VOPP1: variants seen among roughly 807,000 people sequenced by gnomAD.
VOPP1 encodes WW domain binding protein VOPP1.
Under a neutral mutation model 23.5 loss-of-function variants are expected in VOPP1, and 8 were observed. The ratio of observed to expected loss-of-function variants is 0.34; its 90% confidence interval spans 0.20 to 0.61. The LOEUF (loss-of-function observed/expected upper bound fraction) is 0.61, where lower values mean the gene tolerates loss of function less well. VOPP1 is among the 20% of genes least tolerant of loss of function. The pLI is 0.78. For missense variants in VOPP1, 174 were observed against 238.1 expected, an observed-to-expected ratio of 0.73 and a Z score of 1.77; for synonymous variants, 83 against 97.3, an observed-to-expected ratio of 0.85 and a Z score of 0.86.
chr7:55,498,864 C>T (rs1794167373), intron 2 of VOPP1, among the ~76,000 whole-genome samples: 1 of 152,130 alleles, frequency 6.6e-6, no homozygotes, highest in African/African-American at 2.4e-5. Context: ...AGCTGCTCTT[C>T]CCTGGTTGTG....
At chr7:55,552,089 C>T (rs1464730834) in intron 1 of VOPP1, among the ~76,000 whole-genome samples, 4 of 149,498 alleles carry the variant, frequency 2.7e-5, no homozygotes, top group Non-Finnish European at 4.4e-5. Context: ...GCCCTGGGAG[C>T]CAGGTTAGCC....
intron 4 of VOPP1, among the ~76,000 whole-genome samples, chr7:55,480,676 T>C (rs1323010842): frequency 6.6e-6 from 1 of 152,276 alleles, no homozygotes; most frequent in Admixed American, 6.5e-5. Flanking sequence ...CTCAGTTCAT[T>C]TGCTTTTTCA....
At chr7:55,438,611 C>T (rs369129278) in intron 4 of VOPP1, among the ~76,000 whole-genome samples, 3 of 152,106 alleles carry the variant, frequency 2.0e-5, no homozygotes, top group Non-Finnish European at 4.4e-5. Flanking sequence ...GCAAAGGCCC[C>T]GGGGAAGCAC....
rs560732967 is a variant in VOPP1 at position 55,528,637 on chromosome 7, G to C, written c.55-7507C>G. 6.6e-5 allele frequency among the ~76,000 whole-genome samples: 10 copies of C among 151,570 alleles called. No homozygotes were observed. In the South Asian group the frequency reaches 1.5e-3, roughly 22 times the overall value. On this transcript the variant is annotated intron_variant, in intron 1 of 4. Coordinates refer to ENST00000285279, the MANE Select transcript of VOPP1 (RefSeq NM_030796.5). ...GGAGGCGGAGGTTGCAGTGAGCTGA[G>C]ATCGCACTACTGCACTCCGGCCTGG...
At chr7:55,560,425 CAGAG>C (rs1562630815) in intron 1 of VOPP1, among the ~76,000 whole-genome samples, 2 of 152,132 alleles carry the variant, frequency 1.3e-5, no homozygotes, top group African/African-American at 4.8e-5. Context: ...TTTACAGTGA[CAGAG>C]AGAGAGAAGC....
intron 4 of VOPP1, among the ~76,000 whole-genome samples, chr7:55,452,318 A>C (rs554999552): frequency 2.0e-5 from 3 of 152,188 alleles, no homozygotes; most frequent in East Asian, 3.9e-4. Flanking sequence ...TGCTATTTCC[A>C]CCACATCCAC....
chr7:55,465,575 C>G (rs1362514021), intron 4 of VOPP1, among the ~76,000 whole-genome samples: 1 of 152,210 alleles, frequency 6.6e-6, no homozygotes, highest in Non-Finnish European at 1.5e-5. Flanking sequence ...ATTTCTTCTC[C>G]CACTGTGCTT....
chr7:55,473,640 C>T (rs1792012088), intron 4 of VOPP1, among the ~76,000 whole-genome samples: 1 of 152,206 alleles, frequency 6.6e-6, no homozygotes, highest in South Asian at 2.1e-4. Flanking sequence ...CAGAAGGTGA[C>T]AGGAGGGTAC....
intron 2 of VOPP1, among the ~76,000 whole-genome samples, chr7:55,507,757 C>T (rs757173915): frequency 1.9e-4 from 29 of 152,154 alleles, no homozygotes; most frequent in African/African-American, 3.6e-4. Flanking sequence ...GTTTCCCTGA[C>T]GGGCAGGGAG....
chr7:55,488,585 GCA>G (rs1793318994), intron 4 of VOPP1, among the ~76,000 whole-genome samples: 1 of 152,116 alleles, frequency 6.6e-6, no homozygotes, highest in African/African-American at 2.4e-5. Flanking sequence ...TCTTTGCAAT[GCA>G]CAGATTCTCT....
At chr7:55,445,389 C>G (rs1159163454) in intron 4 of VOPP1, among the ~76,000 whole-genome samples, 1 of 152,152 alleles carries the variant, frequency 6.6e-6, no homozygotes, top group Non-Finnish European at 1.5e-5. Flanking sequence ...AAATAATAAA[C>G]TGCCACATAA....
At chr7:55,528,237 G>T (rs1332625043) in intron 1 of VOPP1, among the ~76,000 whole-genome samples, 1 of 152,088 alleles carries the variant, frequency 6.6e-6, no homozygotes, top group Non-Finnish European at 1.5e-5. Flanking sequence ...ATCTAGAATT[G>T]TATTTTTTGT....
chr7:55,500,383 C>T (rs138545900), intron 2 of VOPP1, among the ~76,000 whole-genome samples: 5 of 152,236 alleles, frequency 3.3e-5, no homozygotes, highest in African/African-American at 1.2e-4. Context: ...TCTGCAGGCA[C>T]CAACAGCAAT....
At chr7:55,487,396 T>C (rs891969337) in intron 4 of VOPP1, among the ~76,000 whole-genome samples, 6 of 152,270 alleles carry the variant, frequency 3.9e-5, no homozygotes, top group African/African-American at 1.4e-4. Context: ...CAGATTTCAC[T>C]GACTGTCCTC....
chr7:55,512,040 T>G (rs1349517801), intron 2 of VOPP1, among the ~76,000 whole-genome samples: 2 of 152,224 alleles, frequency 1.3e-5, no homozygotes, highest in Admixed American at 1.3e-4. Flanking sequence ...AAATGAATGA[T>G]GAGGCATCCC....
At chr7:55,454,377 G>A (rs764380545) in intron 4 of VOPP1, among the ~76,000 whole-genome samples, 1 of 152,142 alleles carries the variant, frequency 6.6e-6, no homozygotes, top group Non-Finnish European at 1.5e-5. Flanking sequence ...GGTACAAAGA[G>A]GAGCTGGGAA....
chr7:55,529,470 G>A (rs971780444), intron 1 of VOPP1, among the ~76,000 whole-genome samples: 1 of 151,586 alleles, frequency 6.6e-6, no homozygotes, highest in African/African-American at 2.4e-5. Flanking sequence ...ACTCATGCCT[G>A]CTGAACAAAA....
chr7:55,458,356 T>C (rs140755047), intron 4 of VOPP1, among the ~76,000 whole-genome samples: 210 of 152,316 alleles, frequency 1.4e-3, no homozygotes, highest in Middle Eastern at 6.8e-3. Flanking sequence ...AGTAGTGTGA[T>C]GCTTCCAGCT....
intron 2 of VOPP1, among the ~76,000 whole-genome samples, chr7:55,513,401 C>G (rs1007829114): frequency 6.6e-6 from 1 of 152,180 alleles, no homozygotes; most frequent in Non-Finnish European, 1.5e-5. Context: ...CATTTTTTCC[C>G]TTCCATGCTC....
Sources: allele counts gnomAD v4.1 joint callset (sites outside exome capture counted in the v4.1 genomes callset), GRCh38; gene constraint gnomAD v4.1.1; transcripts MANE v1.5; gene names NCBI Gene and HGNC (gene_info 2026-07-23, HGNC 2026-07-21).